PCNX1: variants seen among roughly 807,000 people sequenced by gnomAD.
The protein encoded by PCNX1 is pecanex-like protein 1.
PCNX1 carries 78 observed loss-of-function variants against 242.2 expected under a neutral mutation model. The observed-to-expected ratio is 0.32, with a 90% CI of 0.27 to 0.39. PCNX1 has a LOEUF of 0.39. Ranked by LOEUF, PCNX1 falls within the 10% of genes least tolerant of loss-of-function variation. The pLI, the probability that PCNX1 is intolerant of heterozygous loss-of-function variation, is 1.00. For missense variants in PCNX1, 2,581 were observed against 2,856.5 expected, an observed-to-expected ratio of 0.90 and a Z score of 2.20; for synonymous variants, 1,024 against 1,032.9, an observed-to-expected ratio of 0.99 and a Z score of 0.17.
intron 11 of PCNX1, among the ~76,000 whole-genome samples, chr14:71,017,316 C>T (rs1001392704): frequency 9.9e-5 from 15 of 152,044 alleles, no homozygotes; most frequent in African/African-American, 3.6e-4. Flanking sequence ...AAAGGATAGC[C>T]TTTTCAACAA....
intron 2 of PCNX1, among the ~76,000 whole-genome samples, chr14:70,949,759 C>T (rs946939513): frequency 2.0e-5 from 3 of 152,132 alleles, no homozygotes; most frequent in Non-Finnish European, 4.4e-5. Context: ...TCCACTTTAC[C>T]TATTTGACAG....
In PCNX1 at chr14:71,026,851, A is replaced by G; in HGVS notation, c.3435A>G (p.Glu1145=). 6.4e-7 allele frequency: 1 copy of G among 1,552,962 alleles called. No individual in the cohort carries two copies. Among genetic ancestry groups the G allele is most frequent in the Non-Finnish European group, 8.9e-7 (1 of 1,125,866 alleles). The change falls in exon 15 of 36, where the codon GAA becomes GAG. Residue 1145 remains glutamate (E), a synonymous_variant. Transcript: ENST00000304743. ...ATACATTTGTAATGTACCTTTGTGA[A>G]CAATTGGATATTCATATTTTTGGTG... ...QVNTFVMYLC[E]QLDIHIFGGN...
intron 12 of PCNX1, among the ~76,000 whole-genome samples, chr14:71,022,409 C>T (rs1039367967): frequency 6.6e-6 from 1 of 152,078 alleles, no homozygotes; most frequent in African/African-American, 2.4e-5. Context: ...ATAAGAAAGA[C>T]AAGAACAGAA....
At chr14:70,983,524 C>T (rs1433212662) in intron 6 of PCNX1, among the ~76,000 whole-genome samples, 3 of 152,074 alleles carry the variant, frequency 2.0e-5, no homozygotes, top group African/African-American at 4.8e-5. Context: ...AGGCTGGTCT[C>T]GAACTCCTGA....
chr14:70,939,182 T>C (rs547188071), intron 1 of PCNX1, among the ~76,000 whole-genome samples: 8 of 152,226 alleles, frequency 5.3e-5, no homozygotes, highest in Admixed American at 1.3e-4. Context: ...AGCTTTTGAA[T>C]GTGTTTGCTC....
At chr14:70,999,909 C>T (rs2140385069) in intron 8 of PCNX1, among the ~76,000 whole-genome samples, 2 of 152,120 alleles carry the variant, frequency 1.3e-5, no homozygotes, top group Middle Eastern at 6.8e-3. Flanking sequence ...AGTACTTGTC[C>T]TTGTTACTAT....
At chr14:70,954,925 C>T (rs973105342) in intron 2 of PCNX1, among the ~76,000 whole-genome samples, 2 of 152,196 alleles carry the variant, frequency 1.3e-5, no homozygotes, top group Non-Finnish European at 2.9e-5. Context: ...TTGTGAATCT[C>T]ATGTTCTGTT....
chr14:70,943,297 C>T (rs1257740948), intron 1 of PCNX1, among the ~76,000 whole-genome samples: 1 of 152,098 alleles, frequency 6.6e-6, no homozygotes. Context: ...TTGGAACTTC[C>T]TAGAGACTTG....
chr14:70,995,295 T>C (rs1379141090), intron 7 of PCNX1, among the ~76,000 whole-genome samples: 2 of 152,202 alleles, frequency 1.3e-5, no homozygotes, highest in African/African-American at 4.8e-5. Context: ...TATTGTGAGT[T>C]TGAGATCTCA....
At chr14:71,053,886 A>G (rs2061109085) in intron 24 of PCNX1, among the ~76,000 whole-genome samples, 1 of 152,202 alleles carries the variant, frequency 6.6e-6, no homozygotes, top group African/African-American at 2.4e-5. Flanking sequence ...GGGTTATTAA[A>G]AGACAGCTGG....
At chr14:70,980,795 T>C (rs554439196) in intron 6 of PCNX1, among the ~76,000 whole-genome samples, 1 of 152,286 alleles carries the variant, frequency 6.6e-6, no homozygotes, top group South Asian at 2.1e-4. Context: ...TGGGCTATCC[T>C]TCCTTACATA....
chr14:71,024,948 AAAAT>A (rs957891286), intron 13 of PCNX1, among the ~76,000 whole-genome samples: 3 of 152,190 alleles, frequency 2.0e-5, no homozygotes, highest in African/African-American at 7.2e-5. Context: ...ATAAATACTT[AAAAT>A]AAATAAATAA....
At chr14:71,105,556 T>C in intron 33 of PCNX1, 116 bp downstream of exon 33, 1 of 767,820 alleles carries the variant, frequency 1.3e-6, no homozygotes, top group Non-Finnish European at 2.0e-6. Context: ...AAATAGAATT[T>C]TTTTTTTTTT....
chr14:71,050,438 T>C (rs1345407797), intron 22 of PCNX1, among the ~76,000 whole-genome samples: 2 of 152,344 alleles, frequency 1.3e-5, no homozygotes, highest in East Asian at 3.9e-4. Context: ...TATAGCTACC[T>C]ATCTTTACTT....
chr14:71,092,742 G>A (rs2062169361), intron 30 of PCNX1: 1 of 152,132 alleles, frequency 6.6e-6, no homozygotes, highest in South Asian at 2.1e-4. Flanking sequence ...ATGCAGAGAG[G>A]GGTTTATGAT....
intron 1 of PCNX1, among the ~76,000 whole-genome samples, chr14:70,934,848 G>A (rs2056938073): frequency 6.6e-6 from 1 of 152,198 alleles, no homozygotes; most frequent in Non-Finnish European, 1.5e-5. Context: ...TAAGTTGCAT[G>A]ACAATGTGAA....
At chr14:70,918,510 G>A (rs2056240010) in intron 1 of PCNX1, among the ~76,000 whole-genome samples, 1 of 152,232 alleles carries the variant, frequency 6.6e-6, no homozygotes, top group African/African-American at 2.4e-5. Flanking sequence ...AACAGATATA[G>A]TAAAGAAAAA....
At chr14:71,003,496 TGTC>T (rs1205749886) in intron 8 of PCNX1, among the ~76,000 whole-genome samples, 1 of 152,230 alleles carries the variant, frequency 6.6e-6, no homozygotes, top group Admixed American at 6.5e-5. Context: ...TTCTGTGGCT[TGTC>T]TTTTTGTTTA....
intron 26 of PCNX1, among the ~76,000 whole-genome samples, chr14:71,059,292 A>T (rs748967736): frequency 5.3e-5 from 8 of 152,176 alleles, no homozygotes; most frequent in Non-Finnish European, 8.8e-5. Context: ...TTGCCAATCA[A>T]AACTCAAATT....
Sources: gnomAD v4.1 joint callset for allele counts (sites outside exome capture counted in the v4.1 genomes callset) on GRCh38, gnomAD v4.1.1 for gene constraint, MANE v1.5 for transcripts, NCBI Gene and HGNC (gene_info 2026-07-23, HGNC 2026-07-21) for gene names.